Variants in TBCA observed in about 807,000 individuals in gnomAD.
TBCA encodes tubulin-specific chaperone A.
In TBCA, 6 loss-of-function variants were observed where a neutral mutation model predicts 15.8. The observed-to-expected ratio is 0.38, with a 90% CI of 0.21 to 0.75. The LOEUF (loss-of-function observed/expected upper bound fraction) is 0.75. TBCA is among the 30% of genes least tolerant of loss of function. The probability of loss-of-function intolerance (pLI) is 0.46; values close to 1 mark genes in which losing one functional copy is unlikely to be tolerated. For missense variants in TBCA, 90 were observed against 131.2 expected (o/e 0.69, Z 1.53); for synonymous variants, 32 against 42.3 (o/e 0.76, Z 0.94).
chr5:77,721,653 C>T (rs1746532400), intron 1 of TBCA, among the ~76,000 whole-genome samples: 1 of 151,956 alleles, frequency 6.6e-6, no homozygotes, highest in South Asian at 2.1e-4. Context: ...GTTATAAGTC[C>T]TTAACTGCTT....
At chr5:77,705,197 G>C (rs181780315) in intron 2 of TBCA, among the ~76,000 whole-genome samples, 7 of 152,224 alleles carry the variant, frequency 4.6e-5, no homozygotes, top group Non-Finnish European at 1.0e-4. Flanking sequence ...TATTTAGAAA[G>C]GGAACACATT....
chr5:77,770,715 T>C (rs1450307084), intron 1 of TBCA, among the ~76,000 whole-genome samples: 1 of 146,826 alleles, frequency 6.8e-6, no homozygotes, highest in East Asian at 2.0e-4. Context: ...GCTGGAAACA[T>C]AGATCCAAAT....
chr5:77,748,485 CT>C (rs35974461), intron 1 of TBCA, among the ~76,000 whole-genome samples: 16 of 148,420 alleles, frequency 1.1e-4, no homozygotes, highest in East Asian at 2.0e-4. Context: ...TTTAGTTTTG[CT>C]TTTTTTTTTT....
intron 1 of TBCA, among the ~76,000 whole-genome samples, chr5:77,765,309 C>T (rs1346103872): frequency 6.6e-6 from 1 of 152,160 alleles, no homozygotes; most frequent in African/African-American, 2.4e-5. Context: ...TTGCAGAACC[C>T]CTGAATGGGT....
intron 1 of TBCA, among the ~76,000 whole-genome samples, chr5:77,763,688 CAA>C (rs900070484): frequency 6.6e-6 from 1 of 152,124 alleles, no homozygotes; most frequent in Non-Finnish European, 1.5e-5. Context: ...GTCCTCAACC[CAA>C]AGAGAGCCCT....
intron 1 of TBCA, among the ~76,000 whole-genome samples, chr5:77,731,216 T>C (rs1454141260): frequency 6.6e-6 from 1 of 152,226 alleles, no homozygotes. Context: ...TTTTCATCTA[T>C]GCCCATTGTA....
At chr5:77,729,708 T>C (rs917373386) in intron 1 of TBCA, among the ~76,000 whole-genome samples, 8 of 152,340 alleles carry the variant, frequency 5.3e-5, no homozygotes, top group African/African-American at 1.9e-4. Context: ...TCAGAATTCC[T>C]GTCCCCTGGA....
intron 1 of TBCA, among the ~76,000 whole-genome samples, chr5:77,729,683 TAAC>T (rs1229918197): frequency 6.6e-6 from 1 of 152,148 alleles, no homozygotes; most frequent in African/African-American, 2.4e-5. Context: ...ATCTCACAAA[TAAC>T]AAAAAGTACA....
At chr5:77,691,897 C>T in intron 3 of TBCA, 1 of 990,224 alleles carries the variant, frequency 1.0e-6, no homozygotes, top group Non-Finnish European at 1.2e-6. Context: ...CAAAATAATC[C>T]ACTGACTATT....
intron 1 of TBCA, among the ~76,000 whole-genome samples, chr5:77,721,980 C>T (rs958689724): frequency 1.3e-5 from 2 of 151,860 alleles, no homozygotes; most frequent in Admixed American, 6.6e-5. Context: ...TGTAAAAACA[C>T]GAAAAATCTC....
At chr5:77,707,598 T>C (rs1241036800) in intron 2 of TBCA, among the ~76,000 whole-genome samples, 1 of 152,156 alleles carries the variant, frequency 6.6e-6, no homozygotes, top group Non-Finnish European at 1.5e-5. Flanking sequence ...CCTCATTTCT[T>C]GATTCAAAAT....
intron 1 of TBCA, among the ~76,000 whole-genome samples, chr5:77,755,350 G>A (rs1319401614): frequency 6.6e-6 from 1 of 152,098 alleles, no homozygotes; most frequent in Non-Finnish European, 1.5e-5. Context: ...AGGCCAAGGT[G>A]AGCAGATCAT....
At chr5:77,748,295 C>T (rs73139623) in intron 1 of TBCA, among the ~76,000 whole-genome samples, 3,628 of 152,026 alleles carry the variant, frequency 0.024, 137 homozygotes, top group African/African-American at 0.083. Flanking sequence ...CTGGCTCTAC[C>T]AGTAATTAGC....
chr5:77,732,550 C>CAAAAAAA (rs35780694), intron 1 of TBCA, among the ~76,000 whole-genome samples: 9 of 89,508 alleles, frequency 1.0e-4, no homozygotes, highest in African/African-American at 4.0e-4. Context: ...GACTCTGTCT[C>CAAAAAAA]AAAAAAAAAA....
At chr5:77,740,111 G>T (rs1746999366) in intron 1 of TBCA, among the ~76,000 whole-genome samples, 1 of 152,172 alleles carries the variant, frequency 6.6e-6, no homozygotes, top group African/African-American at 2.4e-5. Flanking sequence ...GAACATAGAA[G>T]ACTCTAAAGC....
At chr5:77,760,842 C>T (rs893062287) in intron 1 of TBCA, among the ~76,000 whole-genome samples, 11 of 152,214 alleles carry the variant, frequency 7.2e-5, no homozygotes, top group Non-Finnish European at 1.2e-4. Flanking sequence ...CCGGCTGCCA[C>T]CCCGTCTAGG....
At chr5:77,749,861 G>A (rs938920887) in intron 1 of TBCA, among the ~76,000 whole-genome samples, 5 of 152,066 alleles carry the variant, frequency 3.3e-5, no homozygotes, top group South Asian at 4.1e-4. Flanking sequence ...TGTCCATTCC[G>A]AATACTTTGC....
intron 1 of TBCA, among the ~76,000 whole-genome samples, chr5:77,734,808 A>G (rs1303587283): frequency 6.6e-6 from 1 of 152,218 alleles, no homozygotes; most frequent in East Asian, 1.9e-4. Context: ...CCATCAATGC[A>G]GCAATCTTCA....
chr5:77,768,404 A>G (rs1006241824), intron 1 of TBCA, among the ~76,000 whole-genome samples: 3 of 152,212 alleles, frequency 2.0e-5, no homozygotes, highest in African/African-American at 7.2e-5. Flanking sequence ...AGGGTCACAT[A>G]TGTAATAACG....
Sources: allele counts gnomAD v4.1 joint callset (sites outside exome capture counted in the v4.1 genomes callset), GRCh38; gene constraint gnomAD v4.1.1; transcripts MANE v1.5; gene names NCBI Gene and HGNC (gene_info 2026-07-23, HGNC 2026-07-21).